Variants in ZSWIM3 observed in about 807,000 individuals in gnomAD.
ZSWIM3 encodes zinc finger SWIM-type containing 3.
ZSWIM3 carries 27 observed loss-of-function variants against 47.5 expected under a neutral mutation model. The ratio of observed to expected loss-of-function variants is 0.57; its 90% CI spans 0.42 to 0.78. The LOEUF is 0.78. Ranked by LOEUF, ZSWIM3 falls within the 30% of genes least tolerant of loss-of-function variation. ZSWIM3 has a pLI of 0.00. For missense variants in ZSWIM3, 689 were observed against 861.3 expected (o/e 0.80, Z 2.50); for synonymous variants, 333 against 333.9 (o/e 1.00, Z 0.03).
chr20:45,865,777 C>G (rs1466425046), intron 1 of ZSWIM3, among the ~76,000 whole-genome samples: 1 of 151,442 alleles, frequency 6.6e-6, no homozygotes, highest in Non-Finnish European at 1.5e-5. Flanking sequence ...GCGGGCAGAT[C>G]ACGAGGTCAG....
Position 45,857,648 on chromosome 20 carries a change from C to T in ZSWIM3, c.-178C>T, listed in dbSNP as rs1161292278. 2.6e-6 allele frequency: 2 copies of T among 756,616 alleles called. No individual in the cohort carries two copies. The highest frequency in any genetic ancestry group is 1.7e-5 in the African/African-American group (1 of 57,342). 46.9% of individuals were successfully genotyped at this position (756,616 alleles called of 1,614,324 possible). On this transcript the variant is annotated 5_prime_UTR_variant, in exon 1 of 2. Coordinates refer to ENST00000255152, the MANE Select transcript of ZSWIM3 (RefSeq NM_080752.4). ...CAAATACACCCCCTTCCTCTTGTAA[C>T]CCGGTCAGGCCTAGGGTTCCTCCCT...
chr20:45,861,843 A>G (rs1188041195), intron 1 of ZSWIM3, among the ~76,000 whole-genome samples: 1 of 151,484 alleles, frequency 6.6e-6, no homozygotes, highest in African/African-American at 2.4e-5. Flanking sequence ...TCAGCCTCCC[A>G]AAGTGTTGGG....
rs552411371 is a variant in ZSWIM3 at position 45,857,889 on chromosome 20, A to T, written c.64A>T (p.Arg22Trp). ...CAAGGAGTGCTTCAGCGCCTACAAA[A>T]GGGAGAACAGGTGCTCCTTCATTCT... ...DFKECFSAYK[R>W]ENRCSFILRD... is the part of the protein sequence containing the mutation. The change falls in exon 1 of 2, where the codon AGG becomes TGG. Residue 22 changes from arginine to tryptophan, a missense_variant. Physicochemically the swap from Arg to Trp is moderately radical, Grantham distance 101. Transcript: ENST00000255152. 3.7e-6 allele frequency: 6 copies of T among 1,611,352 alleles called. No homozygotes were observed. The highest frequency in any genetic ancestry group is 5.1e-6 in the Non-Finnish European group (6 of 1,179,712).
intron 1 of ZSWIM3, among the ~76,000 whole-genome samples, chr20:45,863,091 G>C (rs1369855787): frequency 6.6e-6 from 1 of 151,640 alleles, no homozygotes; most frequent in South Asian, 2.1e-4. Context: ...GCTGTACCTG[G>C]CTCTTCTCAC....
At chr20:45,863,145 G>C (rs192459502) in intron 1 of ZSWIM3, among the ~76,000 whole-genome samples, 72 of 150,024 alleles carry the variant, frequency 4.8e-4, no homozygotes, top group South Asian at 1.1e-3. Flanking sequence ...TGGGCAATTT[G>C]ATTTGACTTT....
chr20:45,867,643 G>A (rs1224111067), intron 1 of ZSWIM3, among the ~76,000 whole-genome samples: 2 of 152,156 alleles, frequency 1.3e-5, no homozygotes, highest in Non-Finnish European at 2.9e-5. Context: ...CTAAACTGTG[G>A]CCTCCACTTT....
rs1352766526 is a variant in ZSWIM3 at position 45,877,947 on chromosome 20, C to A, written c.1389C>A (p.Ser463Arg). ...SKKAFGICGE[S>R]LTSLPAEETK... ...AGGCTTTTGGAATCTGTGGAGAGAG[C>A]CTTACCAGCCTCCCTGCAGAAGAGA... The change falls in exon 2 of 2, where the codon AGC (serine) becomes AGA (arginine). Residue 463 changes from serine to arginine, a missense_variant. Coordinates refer to ENST00000255152, the MANE Select transcript of ZSWIM3 (RefSeq NM_080752.4). 3 of 1,614,012 alleles carry A rather than the reference C, an allele frequency of 1.9e-6. No homozygotes were observed. In the African/African-American group the frequency reaches 4.0e-5, roughly 22 times the overall value.
Position 45,857,788 on chromosome 20 carries a change from G to A in ZSWIM3, c.-38G>A. On this transcript the variant is annotated 5_prime_UTR_variant, in exon 1 of 2. Coordinates refer to ENST00000255152, the MANE Select transcript of ZSWIM3 (RefSeq NM_080752.4). ...ACCCCTGGTGTGATCTTGGGCCCGG[G>A]CTGGGACCAGCCCCTAGTGTGGGTT... is the stretch of plus-strand genomic sequence containing the variant. 1 of 1,606,490 alleles carries A rather than the reference G, an allele frequency of 6.2e-7. No individual in the cohort carries two copies. Among genetic ancestry groups the A allele is most frequent in the East Asian group, 2.2e-5 (1 of 44,752 alleles).
At chr20:45,869,937 G>A (rs149916151) in intron 1 of ZSWIM3, among the ~76,000 whole-genome samples, 2,692 of 151,584 alleles carry the variant, frequency 0.018, 77 homozygotes, top group South Asian at 0.11. Flanking sequence ...CCAGCTACTC[G>A]GGAGGCTAAG....
chr20:45,877,626 C>A lies in ZSWIM3; in HGVS notation c.1068C>A (p.Ala356=). 6.2e-7 allele frequency: 1 copy of A among 1,614,156 alleles called. No homozygotes were observed. Among genetic ancestry groups the A allele is most frequent in the Non-Finnish European group, 8.5e-7 (1 of 1,180,024 alleles). Reference sequence around the variant, plus strand: ...AAAATCTCTGCCAGATGTCCCAGGCCGTACTGGATGAGGATCTCTTCAACT... The same window carrying A: ...AAAATCTCTGCCAGATGTCCCAGGCAGTACTGGATGAGGATCTCTTCAACT... ...SLKNLCQMSQ[A]VLDEDLFNFL... The change falls in exon 2 of 2, where the codon GCC becomes GCA. Residue 356 remains alanine (A), a synonymous_variant. Transcript: ENST00000255152.
intron 1 of ZSWIM3, among the ~76,000 whole-genome samples, chr20:45,859,828 C>G (rs1326351329): frequency 6.6e-6 from 1 of 150,572 alleles, no homozygotes; most frequent in African/African-American, 2.4e-5. Flanking sequence ...CACAGTTGCC[C>G]GTAAACACCC....
chr20:45,877,196 T>C lies in ZSWIM3; in HGVS notation c.638T>C (p.Leu213Pro). Residue 213 changes from leucine to proline, a missense_variant, in exon 2 of 2, where the codon CTG becomes CCG. Physicochemically the swap from Leu to Pro is moderately conservative, Grantham distance 98 (BLOSUM62 -3). Transcript: ENST00000255152. ...LSFQSSKMTD[L>P]FIRFPENLLL... ...TTCCAGAGCAGTAAGATGACCGACCTGTTCATCCGCTTCCCAGAGAATCTC... is the reference window on the plus strand; with the variant it reads ...TTCCAGAGCAGTAAGATGACCGACCCGTTCATCCGCTTCCCAGAGAATCTC... The C allele has an allele frequency of 6.2e-7, 1 of 1,614,146 alleles. No homozygotes were observed. The highest frequency in any genetic ancestry group is 8.5e-7 in the Non-Finnish European group (1 of 1,180,038).
intron 1 of ZSWIM3, among the ~76,000 whole-genome samples, chr20:45,873,146 A>G (rs1052071178): frequency 1.3e-5 from 2 of 152,186 alleles, no homozygotes; most frequent in African/African-American, 2.4e-5. Context: ...TCACGCCTGT[A>G]ATCCCAGCAC....
At position 45,877,117 on chromosome 20, in the gene ZSWIM3, G is replaced by C; in HGVS notation, c.559G>C (p.Gly187Arg). ...VMKNFLKVDEGSMASFSVGDS... is the reference protein window; with the variant it reads ...VMKNFLKVDERSMASFSVGDS... ...GAAGAACTTTCTTAAGGTAGATGAG[G>C]GTTCCATGGCTTCCTTCAGTGTGGG... Residue 187 changes from glycine (G) to arginine (R), a missense_variant, in exon 2 of 2, where the codon GGT (glycine) becomes CGT (arginine). Transcript: ENST00000255152. 6.2e-7 allele frequency: 1 copy of C among 1,614,146 alleles called. No homozygotes were observed. Among genetic ancestry groups the C allele is most frequent in the Non-Finnish European group, 8.5e-7 (1 of 1,180,026 alleles).
intron 1 of ZSWIM3, among the ~76,000 whole-genome samples, chr20:45,858,326 T>G (rs180744940): frequency 5.3e-5 from 8 of 152,360 alleles, no homozygotes; most frequent in African/African-American, 1.7e-4. Flanking sequence ...ATCAGTCTCC[T>G]CTTTACAAAA....
intron 1 of ZSWIM3, among the ~76,000 whole-genome samples, chr20:45,870,900 G>A (rs1046023362): frequency 9.2e-5 from 14 of 151,892 alleles, no homozygotes; most frequent in African/African-American, 2.7e-4. Flanking sequence ...TCTCCATGTT[G>A]GCCAGGCTGG....
intron 1 of ZSWIM3, among the ~76,000 whole-genome samples, chr20:45,875,209 A>AT (rs1262460995): frequency 5.3e-5 from 8 of 151,116 alleles, no homozygotes; most frequent in Non-Finnish European, 1.2e-4. Context: ...CACCCAGCTA[A>AT]TTTTTTGTAT....
In ZSWIM3 at chr20:45,859,034, T is replaced by TATCTACTC. The variant is rs763813928; in HGVS notation, c.155+1055_155+1056insTCTACTCA. Among the ~76,000 whole-genome samples, 819 of 151,974 alleles carry TATCTACTC rather than the reference T, an allele frequency of 5.4e-3. 4 individuals are homozygous for TATCTACTC. Among genetic ancestry groups the TATCTACTC allele is most frequent in the Middle Eastern group, 0.01 (3 of 294 alleles). ...AGTGTGAAATGGGCCAAATGGAGAGTAGATGCCATCTAATCAGCTCCAGCT... is the reference window on the plus strand; with the variant it reads ...AGTGTGAAATGGGCCAAATGGAGAGTATCTACTCAGATGCCATCTAATCAGCTCCAGCT... On this transcript the variant is annotated intron_variant, in intron 1 of 1. Transcript: ENST00000255152.
In ZSWIM3 at chr20:45,872,940, T is replaced by C. The variant is rs928649023; in HGVS notation, c.156-3774T>C. On this transcript the variant is annotated intron_variant, in intron 1 of 1. Coordinates refer to ENST00000255152, the MANE Select transcript of ZSWIM3 (RefSeq NM_080752.4). ...AAACTGGACCAGCTGGATTAGAGTA[T>C]TTGGAAAAGTGCAGGTGGAGTTTCT... is the stretch of plus-strand genomic sequence containing the variant. The C allele has an allele frequency of 3.0e-4, 345 of 1,145,930 alleles. 1 individual carries two copies. The highest frequency in any genetic ancestry group is 8.6e-5 in the Non-Finnish European group (79 of 919,210). The allele number at this position is 1,145,930 out of a possible 1,614,324, so 71.0% of individuals were successfully genotyped here.
Sources: allele counts gnomAD v4.1 joint callset (sites outside exome capture counted in the v4.1 genomes callset), GRCh38; gene constraint gnomAD v4.1.1; transcripts MANE v1.5; gene names NCBI Gene and HGNC (gene_info 2026-07-23, HGNC 2026-07-21).